ATP9B: variants seen among roughly 807,000 people sequenced by gnomAD.
ATP9B encodes probable phospholipid-transporting ATPase IIB.
In ATP9B, 110 loss-of-function variants were observed where a neutral mutation model predicts 146.1. That is an observed-to-expected ratio of 0.75 (90% confidence interval 0.65 to 0.88). ATP9B has a LOEUF of 0.88. Ranked by LOEUF, ATP9B falls within the 40% of genes least tolerant of loss-of-function variation. The pLI is 0.00. For synonymous variants in ATP9B, 604 were observed against 569.7 expected (o/e 1.06, Z -0.86); for missense variants, 1,499 against 1,496.4 (o/e 1.00, Z -0.03).
intron 20 of ATP9B, among the ~76,000 whole-genome samples, chr18:79,342,864 C>G (rs768757462): frequency 1.3e-5 from 2 of 152,150 alleles, no homozygotes; most frequent in Admixed American, 6.5e-5. Flanking sequence ...TGTTGTGAAA[C>G]AAGCTATAAA....
At chr18:79,100,250 A>C (rs1256589380) in intron 2 of ATP9B, among the ~76,000 whole-genome samples, 1 of 152,240 alleles carries the variant, frequency 6.6e-6, no homozygotes, top group Non-Finnish European at 1.5e-5. Context: ...TTCAGTTGTT[A>C]AGTGCACTGC....
intron 5 of ATP9B, among the ~76,000 whole-genome samples, chr18:79,127,385 C>G (rs1042974757): frequency 6.6e-6 from 1 of 152,026 alleles, no homozygotes; most frequent in African/African-American, 2.4e-5. Context: ...CCTACCCCAG[C>G]TCCAGGCAGC....
rs116676948 is a variant in ATP9B at position 79,248,175 on chromosome 18, A to G, written c.1108-5206A>G. ...CATGTACTACACACACTTAAGGCTT[A>G]GTAGTTCATATCCAAAAAAGAATAA... is the stretch of plus-strand genomic sequence containing the variant. On this transcript the variant is annotated intron_variant, in intron 11 of 29. Coordinates refer to ENST00000426216, the MANE Select transcript of ATP9B (RefSeq NM_198531.5). Among the ~76,000 whole-genome samples, 1,156 of 152,356 alleles carry G rather than the reference A, an allele frequency of 7.6e-3. 17 individuals are homozygous for G. Among genetic ancestry groups the G allele is most frequent in the African/African-American group, 0.027 (1,110 of 41,584 alleles).
intron 4 of ATP9B, among the ~76,000 whole-genome samples, chr18:79,121,387 T>C (rs2094186561): frequency 1.3e-5 from 2 of 152,162 alleles, no homozygotes; most frequent in South Asian, 2.1e-4. Context: ...TTTTGATTTT[T>C]CTAGGGAGCA....
chr18:79,119,916 C>T (rs1459699391), intron 4 of ATP9B, among the ~76,000 whole-genome samples: 1 of 152,056 alleles, frequency 6.6e-6, no homozygotes, highest in Non-Finnish European at 1.5e-5. Context: ...TTTTAAAAAG[C>T]TTTTAAAAAC....
chr18:79,310,336 G>C (rs574899416), intron 15 of ATP9B, among the ~76,000 whole-genome samples: 1 of 152,206 alleles, frequency 6.6e-6, no homozygotes, highest in Admixed American at 6.5e-5. Flanking sequence ...ATACAACTAT[G>C]CGTTCAGAAT....
At chr18:79,109,686 C>T (rs550194703) in intron 2 of ATP9B, among the ~76,000 whole-genome samples, 3 of 152,026 alleles carry the variant, frequency 2.0e-5, no homozygotes, top group South Asian at 4.2e-4. Context: ...CTGCCTCAGC[C>T]TCCTGAGTAG....
chr18:79,150,178 C>T (rs368956982), intron 6 of ATP9B, among the ~76,000 whole-genome samples: 4 of 152,156 alleles, frequency 2.6e-5, no homozygotes, highest in African/African-American at 9.6e-5. Context: ...CAGTATGCAT[C>T]TATCAGAACA....
chr18:79,351,910 C>T (rs761116521), intron 25 of ATP9B, among the ~76,000 whole-genome samples: 1 of 152,132 alleles, frequency 6.6e-6, no homozygotes, highest in African/African-American at 2.4e-5. Flanking sequence ...CCACTCTGCC[C>T]TTGCCCCCCA....
At chr18:79,078,066 C>T (rs779636327) in intron 1 of ATP9B, 2 of 152,366 alleles carry the variant, frequency 1.3e-5, no homozygotes, top group Non-Finnish European at 2.9e-5. Flanking sequence ...CTTGGTCTGC[C>T]CTGACACCAC....
intron 1 of ATP9B, among the ~76,000 whole-genome samples, chr18:79,071,355 G>C (rs530250886): frequency 2.2e-5 from 3 of 135,132 alleles, no homozygotes; most frequent in African/African-American, 8.0e-5. Context: ...ATAGTGTATT[G>C]CATATACCAC....
chr18:79,128,966 C>T (rs2094333561), intron 5 of ATP9B, among the ~76,000 whole-genome samples: 1 of 152,178 alleles, frequency 6.6e-6, no homozygotes, highest in East Asian at 1.9e-4. Context: ...TGTAACAGGG[C>T]ACTAATCTTG....
chr18:79,200,179 T>C (rs2095455130), intron 9 of ATP9B, among the ~76,000 whole-genome samples: 1 of 152,222 alleles, frequency 6.6e-6, no homozygotes, highest in Non-Finnish European at 1.5e-5. Flanking sequence ...TGCTATGACA[T>C]TCTGATGGCT....
intron 7 of ATP9B, among the ~76,000 whole-genome samples, chr18:79,169,438 C>T (rs1342200570): frequency 1.3e-5 from 2 of 152,134 alleles, no homozygotes; most frequent in Non-Finnish European, 2.9e-5. Flanking sequence ...TGCTGTGTGT[C>T]ACCTGTGTTG....
intron 5 of ATP9B, among the ~76,000 whole-genome samples, chr18:79,136,914 A>G (rs2094454182): frequency 6.6e-6 from 1 of 152,310 alleles, no homozygotes; most frequent in South Asian, 2.1e-4. Context: ...CAAAAAGGGG[A>G]AAAGCCACTT....
chr18:79,318,748 C>CT (rs1479700754), intron 15 of ATP9B, among the ~76,000 whole-genome samples: 4 of 152,108 alleles, frequency 2.6e-5, no homozygotes, highest in Non-Finnish European at 5.9e-5. Context: ...AGTGCTTTGT[C>CT]TTTTTTTGTG....
chr18:79,360,173 A>G (rs2096979428), intron 26 of ATP9B: 1 of 152,320 alleles, frequency 6.6e-6, no homozygotes, highest in Middle Eastern at 3.2e-3. Context: ...GGGGTAGAAG[A>G]GAGGCTCAGC....
intron 15 of ATP9B, among the ~76,000 whole-genome samples, chr18:79,313,423 G>GT (rs1447600295): frequency 6.6e-6 from 1 of 152,042 alleles, no homozygotes; most frequent in Non-Finnish European, 1.5e-5. Flanking sequence ...CGAACACATT[G>GT]TTTTTTCTGT....
intron 25 of ATP9B, chr18:79,354,426 G>A (rs932356229): frequency 4.6e-5 from 7 of 152,072 alleles, no homozygotes; most frequent in African/African-American, 1.7e-4. Context: ...AACATTAGCT[G>A]GGCATGGTGG....
Sources: gnomAD v4.1 joint callset for allele counts (sites outside exome capture counted in the v4.1 genomes callset) on GRCh38, gnomAD v4.1.1 for gene constraint, MANE v1.5 for transcripts, NCBI Gene and HGNC (gene_info 2026-07-23, HGNC 2026-07-21) for gene names.